Variants in FILIP1 observed in about 807,000 individuals in gnomAD.
The protein encoded by FILIP1 is filamin A interacting protein 1.
FILIP1 carries 61 observed loss-of-function variants against 102.1 expected under a neutral mutation model. The observed-to-expected ratio is 0.60, with a 90% confidence interval of 0.49 to 0.74. The LOEUF is 0.74. FILIP1 is among the 30% of genes least tolerant of loss of function. The pLI is 0.00. For synonymous variants in FILIP1, 491 were observed against 526.9 expected (o/e 0.93, Z 0.93); for missense variants, 1,314 against 1,441.2 (o/e 0.91, Z 1.43).
At position 75,312,542 on chromosome 6, in the gene FILIP1, A is replaced by C. The variant is rs1326647237; in HGVS notation, c.3290T>G (p.Val1097Gly). ...SPVITVRPVN[V>G]TAEKEVSTGT... ...GGTGGAAACCTCCTTTTCGGCTGTC[A>C]CGTTTACTGGTCGGACAGTAATAAC... Residue 1097 changes from valine to glycine, a missense_variant, in exon 5 of 6, where the codon GTG becomes GGG. This residue lies in a region of FILIP1 where 816 missense variants were observed against 913.1 expected (regional missense o/e 0.89). Coordinates refer to ENST00000237172, the MANE Select transcript of FILIP1 (RefSeq NM_015687.5). 3.1e-6 allele frequency: 5 copies of C among 1,614,066 alleles called. No homozygotes were observed. Among genetic ancestry groups the C allele is most frequent in the Non-Finnish European group, 4.2e-6 (5 of 1,180,042 alleles).
At position 75,482,557 on chromosome 6, in the gene FILIP1, T is replaced by C. The variant is rs117753340; in HGVS notation, c.-7+10857A>G. On this transcript the variant is annotated intron_variant, in intron 1 of 5. Coordinates refer to ENST00000237172, the MANE Select transcript of FILIP1 (RefSeq NM_015687.5). ...CTGTATTTTAAAGTAAGAATTCTAG[T>C]CTGTTAATGGAAATATGTATGCATC... Among the ~76,000 whole-genome samples the C allele has an allele frequency of 7.5e-3, 1,147 of 152,340 alleles. 16 individuals carry two copies. The highest frequency in any genetic ancestry group is 0.064 in the South Asian group (307 of 4,834).
intron 4 of FILIP1, among the ~76,000 whole-genome samples, chr6:75,345,860 C>T (rs780886811): frequency 4.6e-5 from 7 of 152,102 alleles, no homozygotes; most frequent in Non-Finnish European, 8.8e-5. Flanking sequence ...TGAGGAACCC[C>T]GGGTATTTAC....
Position 75,423,898 on chromosome 6 carries a change from C to G in FILIP1, c.-6-8920G>C, listed in dbSNP as rs114151269. On this transcript the variant is annotated intron_variant, in intron 1 of 5. Transcript: ENST00000237172. Reference sequence around the variant, plus strand: ...GCTACAGGATTAAACAAACTTATTTCTCATTGGCAAAAATGTATTGATTGT... The same window carrying G: ...GCTACAGGATTAAACAAACTTATTTGTCATTGGCAAAAATGTATTGATTGT... Among the ~76,000 whole-genome samples the G allele has an allele frequency of 2.3e-3, 345 of 152,206 alleles. 2 individuals carry two copies. Among genetic ancestry groups the G allele is most frequent in the African/African-American group, 8.0e-3 (332 of 41,556 alleles).
chr6:75,460,907 A>T (rs1453310903), intron 1 of FILIP1, among the ~76,000 whole-genome samples: 2 of 152,230 alleles, frequency 1.3e-5, no homozygotes, highest in East Asian at 3.8e-4. Context: ...TGATAAAAAT[A>T]GAACTGGCCC....
At chr6:75,379,358 C>T (rs756964324) in intron 2 of FILIP1, among the ~76,000 whole-genome samples, 1 of 152,096 alleles carries the variant, frequency 6.6e-6, no homozygotes, top group Non-Finnish European at 1.5e-5. Context: ...TAGAAATAGG[C>T]GACTGTTTCG....
At chr6:75,383,862 G>A (rs886916735) in intron 2 of FILIP1, among the ~76,000 whole-genome samples, 1 of 152,108 alleles carries the variant, frequency 6.6e-6, no homozygotes, top group African/African-American at 2.4e-5. Context: ...GTGTCAGAAT[G>A]CGAAATCAGG....
chr6:75,385,013 G>C (rs893634997), intron 2 of FILIP1: 3 of 134,414 alleles, frequency 2.2e-5, no homozygotes. Context: ...TTTTCAGGTT[G>C]GTCTGGAACT....
intron 4 of FILIP1, among the ~76,000 whole-genome samples, chr6:75,344,770 T>G (rs1393166501): frequency 6.6e-6 from 1 of 152,220 alleles, no homozygotes; most frequent in East Asian, 1.9e-4. Flanking sequence ...GTATGAGGCC[T>G]TTTCAGCAAA....
chr6:75,355,315 A>G (rs1774953392), intron 3 of FILIP1, among the ~76,000 whole-genome samples: 1 of 151,960 alleles, frequency 6.6e-6, no homozygotes, highest in African/African-American at 2.4e-5. Flanking sequence ...ACCAAAACAA[A>G]ACAAAACAAA....
intron 1 of FILIP1, among the ~76,000 whole-genome samples, chr6:75,478,753 T>C (rs560751408): frequency 4.0e-4 from 61 of 152,318 alleles, no homozygotes; most frequent in African/African-American, 1.4e-3. Context: ...TTTGTCATCT[T>C]TCCTAAAAAG....
chr6:75,442,013 C>T (rs1252222756), intron 1 of FILIP1, among the ~76,000 whole-genome samples: 1 of 150,216 alleles, frequency 6.7e-6, no homozygotes, highest in African/African-American at 2.5e-5. Flanking sequence ...GGCTGCTGGG[C>T]GGAGGGGCTC....
intron 1 of FILIP1, among the ~76,000 whole-genome samples, chr6:75,460,646 G>A (rs1156681468): frequency 5.9e-5 from 9 of 152,078 alleles, no homozygotes; most frequent in African/African-American, 1.9e-4. Flanking sequence ...TAATACTGAG[G>A]TGAAAAGTTC....
chr6:75,387,349 A>G (rs184631433), intron 2 of FILIP1, among the ~76,000 whole-genome samples: 6 of 152,290 alleles, frequency 3.9e-5, no homozygotes, highest in Admixed American at 1.3e-4. Context: ...TGCAATAAAC[A>G]TATGTGTGCA....
intron 1 of FILIP1, among the ~76,000 whole-genome samples, chr6:75,486,458 T>A (rs1429777958): frequency 6.6e-6 from 1 of 152,168 alleles, no homozygotes; most frequent in Non-Finnish European, 1.5e-5. Flanking sequence ...AATCTCTTTA[T>A]TCTTTGCACT....
chr6:75,487,343 C>T (rs1311898914), intron 1 of FILIP1, among the ~76,000 whole-genome samples: 1 of 152,132 alleles, frequency 6.6e-6, no homozygotes, highest in African/African-American at 2.4e-5. Context: ...GCTCCAAATA[C>T]AGGCGCAGGG....
intron 1 of FILIP1, among the ~76,000 whole-genome samples, chr6:75,440,010 T>A (rs1778156129): frequency 6.6e-6 from 1 of 152,240 alleles, no homozygotes; most frequent in Non-Finnish European, 1.5e-5. Context: ...ATTATTGCTA[T>A]GATGGTTTGC....
At chr6:75,456,944 A>C (rs1201128556) in intron 1 of FILIP1, among the ~76,000 whole-genome samples, 1 of 152,190 alleles carries the variant, frequency 6.6e-6, no homozygotes, top group Non-Finnish European at 1.5e-5. Context: ...AAGTTTGTAA[A>C]AGAGAGGAAA....
intron 4 of FILIP1, among the ~76,000 whole-genome samples, chr6:75,339,266 C>G (rs1257997761): frequency 6.6e-6 from 1 of 152,192 alleles, no homozygotes; most frequent in East Asian, 1.9e-4. Flanking sequence ...TTGTGTGTTT[C>G]TTAAAATGTC....
chr6:75,363,659 G>T (rs559595034), intron 2 of FILIP1, among the ~76,000 whole-genome samples: 53 of 152,294 alleles, frequency 3.5e-4, no homozygotes, highest in Non-Finnish European at 1.5e-5. Context: ...ACTGTCTGTG[G>T]TTCCCATCAC....
Sources: allele counts gnomAD v4.1 joint callset (sites outside exome capture counted in the v4.1 genomes callset), GRCh38; gene constraint gnomAD v4.1.1; regional missense constraint gnomAD v4.1.1; transcripts MANE v1.5; gene names NCBI Gene and HGNC (gene_info 2026-07-23, HGNC 2026-07-21).